The following DOCK3 variants were observed in gnomAD, a reference collection of about 807,000 sequenced individuals.
DOCK3 encodes dedicator of cytokinesis protein 3.
A neutral mutation model predicts 265.6 loss-of-function variants in DOCK3; 60 were observed. The ratio of observed to expected loss-of-function variants is 0.23; its 90% CI spans 0.18 to 0.28. The LOEUF (loss-of-function observed/expected upper bound fraction) is 0.28, where lower values mean the gene tolerates loss of function less well. DOCK3 is among the 10% of genes least tolerant of loss of function. The probability of loss-of-function intolerance (pLI) is 1.00; values close to 1 mark genes in which losing one functional copy is unlikely to be tolerated. For synonymous variants in DOCK3, 881 were observed against 938.0 expected (o/e 0.94, Z 1.11); for missense variants, 1,981 against 2,594.3 (o/e 0.76, Z 5.14).
Position 50,737,839 on chromosome 3 carries a change from G to A in DOCK3, c.38-40836G>A, listed in dbSNP as rs192048124. On this transcript the variant is annotated intron_variant, in intron 1 of 52. Coordinates refer to ENST00000266037, the MANE Select transcript of DOCK3 (RefSeq NM_004947.5). ...TTCATTCAGTTGTCTGTGTTCCCCT[G>A]TAGCTCACTGAACTAATATAAGACA... Among the ~76,000 whole-genome samples the A allele has an allele frequency of 3.8e-4, 58 of 152,240 alleles. 1 individual carries two copies. In the Middle Eastern group the frequency reaches 0.017, roughly 45 times the overall value.
intron 5 of DOCK3, among the ~76,000 whole-genome samples, chr3:51,008,679 C>T (rs1239066888): frequency 6.6e-6 from 1 of 151,564 alleles, no homozygotes; most frequent in African/African-American, 2.4e-5. Context: ...CTAGAGAGGG[C>T]ATCCCTGTCT....
chr3:50,841,743 C>CTTTTTCTTTTTCTTTTTTTTTTT, intron 3 of DOCK3, 28 bp downstream of exon 3: 1 of 483,404 alleles, frequency 2.1e-6, no homozygotes. Flanking sequence ...GTTACCTTTT[C>CTTTTTCTTTTTCTTTTTTTTTTT]TAATGTAGGA....
At chr3:51,357,422 GC>G (rs969395184) in intron 44 of DOCK3, among the ~76,000 whole-genome samples, 4 of 152,152 alleles carry the variant, frequency 2.6e-5, no homozygotes, top group African/African-American at 9.7e-5. Context: ...GAGCCTTGGA[GC>G]CCAGCCCGTC....
At chr3:51,179,909 T>G (rs1164308536) in intron 12 of DOCK3, among the ~76,000 whole-genome samples, 1 of 151,384 alleles carries the variant, frequency 6.6e-6, no homozygotes, top group Non-Finnish European at 1.5e-5. Flanking sequence ...AGACCTTGTC[T>G]CAAAAAAAAC....
chr3:51,203,989 C>T lies in DOCK3; in HGVS notation c.1038-4785C>T, dbSNP rs1279815393. 8.5e-5 allele frequency among the ~76,000 whole-genome samples: 13 copies of T among 152,078 alleles called. No homozygotes were observed. In the Middle Eastern group the frequency reaches 0.01, roughly 119 times the overall value. ...GTAGAAAGCTGAAACTGGATCCCTT[C>T]CTTACACCTTATACAAAAATCAATT... On this transcript the variant is annotated intron_variant, in intron 12 of 52. Transcript: ENST00000266037.
In DOCK3 at chr3:50,868,459, A is replaced by G. The variant is rs569291026; in HGVS notation, c.163-21567A>G. Among the ~76,000 whole-genome samples, 30 of 151,534 alleles carry G rather than the reference A, an allele frequency of 2.0e-4. No homozygotes were observed. In the South Asian group the frequency reaches 5.2e-3, roughly 26 times the overall value. ...ATGTTTATGGCTTACTTCAGCTTCA[A>G]CCTCCCTGGGCTCAAGCATTTCTCA... On this transcript the variant is annotated intron_variant, in intron 3 of 52. Transcript: ENST00000266037.
chr3:51,007,240 A>G (rs1255714988), intron 5 of DOCK3, among the ~76,000 whole-genome samples: 2 of 152,212 alleles, frequency 1.3e-5, no homozygotes, highest in African/African-American at 4.8e-5. Context: ...AGTCCCACCA[A>G]CAGTGTAAAA....
At position 51,159,226 on chromosome 3, in the gene DOCK3, A is replaced by G. The variant is rs1036896183; in HGVS notation, c.829-18A>G. 2 of 1,611,760 alleles carry G rather than the reference A, an allele frequency of 1.2e-6. No individual in the cohort carries two copies. The highest frequency in any genetic ancestry group is 1.3e-5 in the African/African-American group (1 of 74,992). ...TTCTGTGTATTCCTTGCCTGAATTT[A>G]CTTATTTTTTCTCTTAGGATCTGAG... On this transcript the variant is annotated intron_variant, in intron 10 of 52. Transcript: ENST00000266037.
intron 6 of DOCK3, among the ~76,000 whole-genome samples, chr3:51,066,091 A>G (rs2081581645): frequency 6.6e-6 from 1 of 152,216 alleles, no homozygotes; most frequent in Admixed American, 6.5e-5. Context: ...AGAGAAGACA[A>G]ATTTTATGTA....
intron 1 of DOCK3, among the ~76,000 whole-genome samples, chr3:50,750,287 G>C (rs2108299982): frequency 6.6e-6 from 1 of 151,696 alleles, no homozygotes; most frequent in Middle Eastern, 3.4e-3. Flanking sequence ...AAAGGTTGGG[G>C]ACCTCTGCCT....
chr3:51,193,175 A>T (rs1164548444), intron 12 of DOCK3, among the ~76,000 whole-genome samples: 1 of 152,174 alleles, frequency 6.6e-6, no homozygotes, highest in Non-Finnish European at 1.5e-5. Flanking sequence ...CTAGATAATA[A>T]TATGATTTTT....
chr3:50,811,937 A>T (rs9869945), intron 2 of DOCK3, among the ~76,000 whole-genome samples: 1 of 152,092 alleles, frequency 6.6e-6, no homozygotes, highest in Non-Finnish European at 1.5e-5. Context: ...GCAGAAATCA[A>T]CTGCTACCTG....
intron 5 of DOCK3, among the ~76,000 whole-genome samples, chr3:50,984,967 T>C (rs2077841264): frequency 6.6e-6 from 1 of 152,118 alleles, no homozygotes; most frequent in Non-Finnish European, 1.5e-5. Flanking sequence ...AAGTGACGAG[T>C]ATCTATGGGT....
chr3:51,261,228 T>C (rs1399054779), intron 23 of DOCK3, among the ~76,000 whole-genome samples: 1 of 151,254 alleles, frequency 6.6e-6, no homozygotes, highest in Non-Finnish European at 1.5e-5. Context: ...GCTCATCTCA[T>C]TGGGACTGGC....
At chr3:51,323,486 T>C (rs2083879929) in intron 32 of DOCK3, among the ~76,000 whole-genome samples, 1 of 152,118 alleles carries the variant, frequency 6.6e-6, no homozygotes, top group African/African-American at 2.4e-5. Context: ...TGCAAGAGAA[T>C]GGAAATCATA....
At chr3:50,777,776 C>G (rs1290698390) in intron 1 of DOCK3, among the ~76,000 whole-genome samples, 1 of 151,992 alleles carries the variant, frequency 6.6e-6, no homozygotes, top group Non-Finnish European at 1.5e-5. Context: ...TTCCTGAGAC[C>G]TTACTTTACT....
intron 2 of DOCK3, among the ~76,000 whole-genome samples, chr3:50,833,911 A>T (rs1244262985): frequency 6.6e-6 from 1 of 152,204 alleles, no homozygotes; most frequent in East Asian, 1.9e-4. Context: ...AATATGCTTC[A>T]AATTTTTTTC....
At chr3:51,067,289 A>G (rs953676485) in intron 6 of DOCK3, among the ~76,000 whole-genome samples, 1 of 152,328 alleles carries the variant, frequency 6.6e-6, no homozygotes, top group African/African-American at 2.4e-5. Context: ...TGATTTTGCA[A>G]TCAAATCTGA....
At chr3:50,866,148 C>T (rs2047130887) in intron 3 of DOCK3, among the ~76,000 whole-genome samples, 1 of 152,040 alleles carries the variant, frequency 6.6e-6, no homozygotes, top group Non-Finnish European at 1.5e-5. Flanking sequence ...TCCCGTTTGT[C>T]CATTTTTTCT....
Sources: gnomAD v4.1 joint callset for allele counts (sites outside exome capture counted in the v4.1 genomes callset) on GRCh38, gnomAD v4.1.1 for gene constraint, MANE v1.5 for transcripts, NCBI Gene and HGNC (gene_info 2026-07-23, HGNC 2026-07-21) for gene names.